KRIT1: variants seen among roughly 807,000 people sequenced by gnomAD.
KRIT1 encodes krev interaction trapped protein 1.
In KRIT1, 45 loss-of-function variants were observed where a neutral mutation model predicts 95.8. That is an observed-to-expected ratio of 0.47 (90% CI 0.37 to 0.60). The LOEUF is 0.60. Ranked by LOEUF, KRIT1 falls within the 20% of genes least tolerant of loss-of-function variation. The pLI is 0.00. For synonymous variants in KRIT1, 282 were observed against 278.8 expected, an observed-to-expected ratio of 1.01 and a Z score of -0.11; for missense variants, 788 against 877.5, an observed-to-expected ratio of 0.90 and a Z score of 1.29.
intron 14 of KRIT1, among the ~76,000 whole-genome samples, chr7:92,218,940 G>C (rs1292865823): frequency 6.6e-6 from 1 of 152,038 alleles, no homozygotes; most frequent in African/African-American, 2.4e-5. Flanking sequence ...TTATCCCTTT[G>C]TTTTCTTCTA....
chr7:92,245,116 T>C lies in KRIT1; in HGVS notation c.-365A>G, dbSNP rs1344729273. On this transcript the variant is annotated 5_prime_UTR_variant, in exon 2 of 19. Coordinates refer to ENST00000394505, the MANE Select transcript of KRIT1 (RefSeq NM_194454.3). The stretch of plus-strand genomic sequence containing the variant: ...GAGATCCTGAGTTGGACCACCGAGA[T>C]GAAAGACTTCTGGTGAGGCTAAAAA... The C allele has an allele frequency of 1.3e-5, 2 of 149,308 alleles. No homozygotes were observed. Among genetic ancestry groups the C allele is most frequent in the East Asian group, 2.0e-4 (1 of 5,084 alleles). 9.2% of individuals were successfully genotyped at this position (149,308 alleles called of 1,614,324 possible).
In KRIT1 at chr7:92,234,527, A is replaced by G. The variant is rs1224422531; in HGVS notation, c.911T>C (p.Leu304Pro). ...AAATCTTTCACTGAGAAGACGGCTT[A>G]GTAATTCTGAATCTCCTTCACAGGC... ...RSACEGDSELLSRLLSERFSV... is the reference protein window; with the variant it reads ...RSACEGDSELPSRLLSERFSV... The change falls in exon 10 of 19, where the codon CTA becomes CCA. Residue 304 changes from leucine to proline, a missense_variant. Around this residue, in one of 3 missense-constraint regions of KRIT1, gnomAD observed 493 missense variants for 582.3 expected, o/e 0.85. Transcript: ENST00000394505. The G allele has an allele frequency of 1.2e-6, 2 of 1,611,996 alleles. No individual in the cohort carries two copies. The highest frequency in any genetic ancestry group is 1.7e-6 in the Non-Finnish European group (2 of 1,178,118).
Position 92,236,538 on chromosome 7 carries a change from A to G in KRIT1, c.360T>C (p.Asn120=). 1 of 1,533,072 alleles carries G rather than the reference A, an allele frequency of 6.5e-7. No individual in the cohort carries two copies. The highest frequency in any genetic ancestry group is 9.0e-7 in the Non-Finnish European group (1 of 1,107,294). 95.0% of individuals were successfully genotyped at this position (1,533,072 alleles called of 1,614,324 possible). The change falls in exon 7 of 19, where the codon AAT becomes AAC. Residue 120 remains asparagine, a synonymous_variant. Coordinates refer to ENST00000394505, the MANE Select transcript of KRIT1 (RefSeq NM_194454.3). ...ATCCTGGGGTATATGTGTATTTAGT[A>G]TTATCTGAAAAAGAAAAATGAAGAA... The part of the protein sequence containing the change: ...LFIVPSVVKD[N]TKYTYTPGCP...
At chr7:92,223,339 G>A (rs1795543659) in intron 12 of KRIT1, among the ~76,000 whole-genome samples, 3 of 150,044 alleles carry the variant, frequency 2.0e-5, no homozygotes, top group Non-Finnish European at 4.4e-5. Context: ...CAGCTACTAA[G>A]GAGGCTGAGG....
intron 10 of KRIT1, among the ~76,000 whole-genome samples, chr7:92,227,241 T>C (rs1486410410): frequency 6.6e-6 from 1 of 152,194 alleles, no homozygotes; most frequent in African/African-American, 2.4e-5. Context: ...GCTGTAAAAT[T>C]TAAGTATGGT....
intron 6 of KRIT1, 87 bp downstream of exon 6, chr7:92,237,580 T>C: frequency 1.5e-6 from 1 of 681,524 alleles, no homozygotes; most frequent in Non-Finnish European, 2.6e-6. Flanking sequence ...TAGTAGTAAC[T>C]ATGAATGCAA....
At chr7:92,231,986 C>T (rs1036307931) in intron 10 of KRIT1, among the ~76,000 whole-genome samples, 1 of 152,096 alleles carries the variant, frequency 6.6e-6, no homozygotes, top group South Asian at 2.1e-4. Flanking sequence ...GGCTGGAGTG[C>T]GGTGGTGGGA....
chr7:92,213,056 G>C, intron 17 of KRIT1, 139 bp downstream of exon 17: 1 of 628,824 alleles, frequency 1.6e-6, no homozygotes, highest in Non-Finnish European at 2.8e-6. Flanking sequence ...GTGATTTAGT[G>C]TCCCCCTTCC....
At chr7:92,201,271 C>T in intron 18 of KRIT1, 36 bp downstream of exon 18, 1 of 962,100 alleles carries the variant, frequency 1.0e-6, no homozygotes, top group African/African-American at 1.6e-5. Context: ...TTTACTAACA[C>T]AATAGTTTAT....
rs1009005329 is a variant in KRIT1, at chr7:92,201,755, C to G, written c.2026-332G>C. 1.3e-4 allele frequency among the ~76,000 whole-genome samples: 19 copies of G among 151,368 alleles called. 1 individual carries two copies. The highest frequency in any genetic ancestry group is 4.1e-4 in the African/African-American group (17 of 41,192). ...CTGCGTCCAAGTATTCCTCATTGTT[C>G]AACTCCCACTTATGAGTGAGAACAT... On this transcript the variant is annotated intron_variant, in intron 17 of 18. Transcript: ENST00000394505.
chr7:92,227,967 C>G (rs749907319), intron 10 of KRIT1, among the ~76,000 whole-genome samples: 12 of 151,970 alleles, frequency 7.9e-5, no homozygotes, highest in African/African-American at 2.9e-4. Flanking sequence ...AGCCAGAGAT[C>G]GCGCCATTGC....
At chr7:92,233,007 T>G (rs1797644208) in intron 10 of KRIT1, among the ~76,000 whole-genome samples, 1 of 152,164 alleles carries the variant, frequency 6.6e-6, no homozygotes, top group Admixed American at 6.5e-5. Flanking sequence ...GTGATTTCTT[T>G]TAGTATTGTT....
chr7:92,204,088 C>T (rs901555118), intron 17 of KRIT1: 2 of 151,410 alleles, frequency 1.3e-5, no homozygotes, highest in African/African-American at 4.8e-5. Context: ...AAGTGAGATC[C>T]TATCTCTACA....
chr7:92,202,071 T>C (rs2131103957), intron 17 of KRIT1, among the ~76,000 whole-genome samples: 1 of 152,368 alleles, frequency 6.6e-6, no homozygotes, highest in South Asian at 2.1e-4. Context: ...GTATCTTTCT[T>C]TTGAATATTT....
chr7:92,202,731 T>A (rs568904498), intron 17 of KRIT1, among the ~76,000 whole-genome samples: 76 of 152,170 alleles, frequency 5.0e-4, no homozygotes, highest in African/African-American at 1.7e-3. Context: ...TCTAAATAAA[T>A]AAATAAAATA....
At chr7:92,231,550 C>T (rs976567416) in intron 10 of KRIT1, among the ~76,000 whole-genome samples, 12 of 152,244 alleles carry the variant, frequency 7.9e-5, no homozygotes, top group Admixed American at 7.2e-4. Flanking sequence ...GGTAAAATAT[C>T]TTGTCTTACA....
chr7:92,214,152 T>C (rs1468581541), intron 15 of KRIT1, among the ~76,000 whole-genome samples, 173 bp from the exon 16 acceptor site: 2 of 152,192 alleles, frequency 1.3e-5, no homozygotes, highest in Admixed American at 1.3e-4. Context: ...AAATCTCATA[T>C]TATCAATTTA....
At chr7:92,220,467 T>C (rs547224695) in intron 14 of KRIT1, among the ~76,000 whole-genome samples, 3 of 152,322 alleles carry the variant, frequency 2.0e-5, no homozygotes, top group South Asian at 2.1e-4. Flanking sequence ...TATATAGTTA[T>C]GTACAAAATG....
At chr7:92,213,531 T>C (rs1291201693) in intron 16 of KRIT1, 130 bp from the exon 17 acceptor site, 13 of 652,644 alleles carry the variant, frequency 2.0e-5, no homozygotes, top group Non-Finnish European at 2.9e-5. Flanking sequence ...TTATGGCACA[T>C]TGTATCAGGA....
Sources: allele counts gnomAD v4.1 joint callset (sites outside exome capture counted in the v4.1 genomes callset), GRCh38; gene constraint gnomAD v4.1.1; regional missense constraint gnomAD v4.1.1; transcripts MANE v1.5; gene names NCBI Gene and HGNC (gene_info 2026-07-23, HGNC 2026-07-21).